The following NUMB variants were observed in gnomAD, a reference collection of about 807,000 sequenced individuals.
The protein encoded by NUMB is NUMB endocytic adaptor protein, also known as protein numb homolog.
Under a neutral mutation model 59.7 loss-of-function variants are expected in NUMB, and 29 were observed. The ratio of observed to expected loss-of-function variants is 0.49; its 90% CI spans 0.36 to 0.66. The LOEUF (loss-of-function observed/expected upper bound fraction) is 0.66, where lower values mean the gene tolerates loss of function less well. NUMB is among the 30% of genes least tolerant of loss of function. The pLI is 0.00. For synonymous variants in NUMB, 288 were observed against 288.2 expected (o/e 1.00, Z 0.01); for missense variants, 723 against 822.0 (o/e 0.88, Z 1.47).
intron 2 of NUMB, among the ~76,000 whole-genome samples, chr14:73,370,005 C>A (rs1894582820): frequency 6.6e-6 from 1 of 152,056 alleles, no homozygotes; most frequent in African/African-American, 2.4e-5. Context: ...TGTTTGGTTT[C>A]TTTCACTCAA....
intron 1 of NUMB, among the ~76,000 whole-genome samples, chr14:73,448,238 AAAT>A (rs1883675937): frequency 6.6e-6 from 1 of 152,220 alleles, no homozygotes; most frequent in South Asian, 2.1e-4. Context: ...CAACTCTTTA[AAAT>A]AATAATTCAA....
At chr14:73,291,437 G>C (rs556048760) in intron 8 of NUMB, among the ~76,000 whole-genome samples, 229 of 152,062 alleles carry the variant, frequency 1.5e-3, no homozygotes, top group African/African-American at 5.4e-3. Flanking sequence ...GGAGTGCAGT[G>C]GTGCAATCTT....
intron 6 of NUMB, among the ~76,000 whole-genome samples, chr14:73,314,846 G>A (rs1368807905): frequency 6.6e-6 from 1 of 151,798 alleles, no homozygotes; most frequent in Non-Finnish European, 1.5e-5. Flanking sequence ...CTCTGTTTAG[G>A]AAAAAACAAA....
intron 2 of NUMB, among the ~76,000 whole-genome samples, chr14:73,405,771 A>G (rs926302305): frequency 6.8e-6 from 1 of 146,136 alleles, no homozygotes; most frequent in Admixed American, 7.3e-5. Flanking sequence ...TGGGCAGGAC[A>G]AACTCTGTTG....
intron 1 of NUMB, among the ~76,000 whole-genome samples, chr14:73,415,097 C>A (rs1897070973): frequency 6.6e-6 from 1 of 152,176 alleles, no homozygotes; most frequent in African/African-American, 2.4e-5. Flanking sequence ...TCTAACAAAC[C>A]AACTTCAAAT....
intron 11 of NUMB, among the ~76,000 whole-genome samples, chr14:73,279,655 G>C (rs1381663240): frequency 1.3e-5 from 2 of 152,208 alleles, no homozygotes; most frequent in Non-Finnish European, 2.9e-5. Flanking sequence ...TCAAATAACT[G>C]TTCTAGGAAA....
chr14:73,411,148 C>T (rs1167806970), intron 1 of NUMB, among the ~76,000 whole-genome samples: 2 of 151,182 alleles, frequency 1.3e-5, no homozygotes, highest in African/African-American at 2.4e-5. Context: ...CCTCTCACCT[C>T]CACCTCCTGA....
intron 1 of NUMB, among the ~76,000 whole-genome samples, chr14:73,414,864 C>T (rs183689555): frequency 2.0e-5 from 3 of 152,184 alleles, no homozygotes; most frequent in Non-Finnish European, 2.9e-5. Flanking sequence ...GGACTACAGG[C>T]GCCCACCACC....
chr14:73,331,835 G>A (rs546516897), intron 4 of NUMB, among the ~76,000 whole-genome samples: 1 of 152,152 alleles, frequency 6.6e-6, no homozygotes, highest in South Asian at 2.1e-4. Flanking sequence ...AGTTTCCTGA[G>A]GCCTCCCCAG....
At chr14:73,389,294 C>CAAAA (rs202010932) in intron 2 of NUMB, among the ~76,000 whole-genome samples, 1 of 77,294 alleles carries the variant, frequency 1.3e-5, no homozygotes, top group African/African-American at 5.2e-5. Flanking sequence ...AAAAAAAAAA[C>CAAAA]AAAAACAAAA....
At chr14:73,365,888 T>G (rs1304339110) in intron 3 of NUMB, among the ~76,000 whole-genome samples, 1 of 152,238 alleles carries the variant, frequency 6.6e-6, no homozygotes, top group African/African-American at 2.4e-5. Context: ...CATGGCTGAG[T>G]TCTAGTTGAA....
chr14:73,323,258 A>G (rs963533875), intron 4 of NUMB, 54 bp from the exon 5 acceptor site: 1 of 1,221,226 alleles, frequency 8.2e-7, no homozygotes, highest in Non-Finnish European at 1.2e-6. Context: ...AGTAGCTACT[A>G]TACAGTAAGC....
intron 4 of NUMB, among the ~76,000 whole-genome samples, chr14:73,350,680 T>C (rs1893199635): frequency 7.1e-6 from 1 of 141,378 alleles, no homozygotes. Flanking sequence ...GACAGGTGTG[T>C]ACTACCACAT....
intron 1 of NUMB, among the ~76,000 whole-genome samples, chr14:73,429,170 G>C (rs1897716495): frequency 6.6e-6 from 1 of 152,028 alleles, no homozygotes; most frequent in African/African-American, 2.4e-5. Context: ...AGGAGATCGA[G>C]ACCATCCTGG....
At chr14:73,296,589 A>C (rs2139843890) in intron 7 of NUMB, among the ~76,000 whole-genome samples, 1 of 152,352 alleles carries the variant, frequency 6.6e-6, no homozygotes, top group South Asian at 2.1e-4. Flanking sequence ...TGAACGTTAA[A>C]TAGTCTCTCA....
chr14:73,357,749 C>G (rs562488346), intron 3 of NUMB, among the ~76,000 whole-genome samples: 2 of 151,724 alleles, frequency 1.3e-5, no homozygotes. Context: ...GGCAACAGAG[C>G]GAGACTGTCT....
intron 1 of NUMB, among the ~76,000 whole-genome samples, chr14:73,426,313 G>C (rs183286466): frequency 1.3e-5 from 2 of 152,280 alleles, no homozygotes; most frequent in African/African-American, 4.8e-5. Flanking sequence ...AAAGTGGTAA[G>C]GCCTCTGAAG....
chr14:73,425,953 T>C (rs1020527738), intron 1 of NUMB, among the ~76,000 whole-genome samples: 2 of 151,856 alleles, frequency 1.3e-5, no homozygotes, highest in African/African-American at 4.8e-5. Context: ...GGACTACAGG[T>C]ACGTGCCACC....
intron 3 of NUMB, among the ~76,000 whole-genome samples, chr14:73,356,057 A>G (rs1240500797): frequency 6.6e-6 from 1 of 152,212 alleles, no homozygotes; most frequent in Non-Finnish European, 1.5e-5. Context: ...AAGACATATT[A>G]TCCTAAGAAA....
Sources: allele counts gnomAD v4.1 joint callset (sites outside exome capture counted in the v4.1 genomes callset), GRCh38; gene constraint gnomAD v4.1.1; transcripts MANE v1.5; gene names NCBI Gene and HGNC (gene_info 2026-07-23, HGNC 2026-07-21).